Variants in MOCOS observed in about 807,000 individuals in gnomAD.
The protein encoded by MOCOS is molybdenum cofactor sulfurase.
Under a neutral mutation model 83.6 loss-of-function variants are expected in MOCOS, and 86 were observed. That is an observed-to-expected ratio of 1.03 (90% CI 0.86 to 1.23). The LOEUF (loss-of-function observed/expected upper bound fraction) is 1.23. Among genes scored for constraint, MOCOS ranks in the 50% most tolerant of loss-of-function variants. The probability of loss-of-function intolerance (pLI) is 0.00; values close to 1 mark genes in which losing one functional copy is unlikely to be tolerated. For missense variants in MOCOS, 1,120 were observed against 1,126.9 expected (o/e 0.99, Z 0.09); for synonymous variants, 445 against 434.7 (o/e 1.02, Z -0.29).
chr18:36,195,660 G>A (rs969245464), intron 2 of MOCOS, among the ~76,000 whole-genome samples: 3 of 152,170 alleles, frequency 2.0e-5, no homozygotes, highest in Non-Finnish European at 2.9e-5. Flanking sequence ...CAGAGAGTGG[G>A]GCAGCAGGAG....
intron 12 of MOCOS, among the ~76,000 whole-genome samples, chr18:36,258,407 G>A (rs992934552): frequency 6.6e-6 from 1 of 152,160 alleles, no homozygotes; most frequent in African/African-American, 2.4e-5. Flanking sequence ...ATAACCCAGA[G>A]AGTTGATCCA....
At position 36,271,924 on chromosome 18, in the gene MOCOS, A is replaced by G. The variant is rs889513171; in HGVS notation, c.*3239A>G. 2.0e-5 allele frequency: 3 copies of G among 152,136 alleles called. No individual in the cohort carries two copies. Among genetic ancestry groups the G allele is most frequent in the African/African-American group, 7.2e-5 (3 of 41,426 alleles). 9.4% of individuals were successfully genotyped at this position (152,136 alleles called of 1,614,324 possible). On this transcript the variant is annotated 3_prime_UTR_variant, in exon 15 of 15. Transcript: ENST00000261326. ...CAGTGAAAAGTTGCTTTTTTATTCA[A>G]TATGTACTGAACAGGTTCTAGAGTT... is the stretch of plus-strand genomic sequence containing the variant.
intron 4 of MOCOS, among the ~76,000 whole-genome samples, chr18:36,202,318 A>G (rs1308531125): frequency 1.3e-5 from 2 of 150,556 alleles, no homozygotes; most frequent in Non-Finnish European, 3.0e-5. Context: ...ATAACTGGCT[A>G]GTTTAACAAA....
intron 1 of MOCOS, among the ~76,000 whole-genome samples, chr18:36,192,890 C>A (rs2144893323): frequency 6.6e-6 from 1 of 152,232 alleles, no homozygotes; most frequent in Admixed American, 6.5e-5. Context: ...CTCAGATGAT[C>A]CACTCACCTC....
At chr18:36,190,419 CG>C (rs2091360439) in intron 1 of MOCOS, 1 of 152,020 alleles carries the variant, frequency 6.6e-6, no homozygotes, top group South Asian at 2.1e-4. Flanking sequence ...TTGCAGTTCT[CG>C]TGAGGGTGCG....
chr18:36,221,624 GTTCTGTTCTGTTCTGTTC>G (rs1477202544), intron 9 of MOCOS, among the ~76,000 whole-genome samples: 1 of 150,758 alleles, frequency 6.6e-6, no homozygotes, highest in Non-Finnish European at 1.5e-5. Flanking sequence ...GTTCTGTTCT[GTTCTGTTCTGTTCTGTTC>G]TGTTCTGTTC....
At chr18:36,207,799 T>C (rs1598874947) in intron 6 of MOCOS, among the ~76,000 whole-genome samples, 1 of 152,222 alleles carries the variant, frequency 6.6e-6, no homozygotes, top group East Asian at 1.9e-4. Flanking sequence ...TTAGTTTAGT[T>C]AGGCTTCATT....
At position 36,195,309 on chromosome 18, in the gene MOCOS, C is replaced by G. The variant is rs763082187; in HGVS notation, c.195C>G (p.Leu65=). 5 of 1,614,018 alleles carry G rather than the reference C, an allele frequency of 3.1e-6. No individual in the cohort carries two copies. Among genetic ancestry groups the G allele is most frequent in the Non-Finnish European group, 3.4e-6 (4 of 1,180,026 alleles). Residue 65 remains leucine, a synonymous_variant, in exon 2 of 15, where the codon CTC becomes CTG. Coordinates refer to ENST00000261326, the MANE Select transcript of MOCOS (RefSeq NM_017947.4). The part of the protein sequence containing the change: ...AGATLFSQSQ[L]ESFTSDLMEN... Reference sequence around the variant, plus strand: ...CCACCTTGTTCTCCCAGAGCCAGCTCGAAAGCTTCACTAGTGATCTCATGG... The same window carrying G: ...CCACCTTGTTCTCCCAGAGCCAGCTGGAAAGCTTCACTAGTGATCTCATGG...
At position 36,254,458 on chromosome 18, in the gene MOCOS, C is replaced by G. The variant is rs868021782; in HGVS notation, c.2165-2510C>G. ...GTATTCATTACAAAATACATTATCT[C>G]TGTGTGTGTGTGTGTGTGTGTGTGT... On this transcript the variant is annotated intron_variant, in intron 11 of 14. Coordinates refer to ENST00000261326, the MANE Select transcript of MOCOS (RefSeq NM_017947.4). Among the ~76,000 whole-genome samples the G allele has an allele frequency of 6.3e-3, 882 of 138,956 alleles. 8 individuals are homozygous for G. The highest frequency in any genetic ancestry group is 0.023 in the African/African-American group (856 of 36,898). 91.2% of individuals were successfully genotyped at this position (138,956 alleles called of 152,430 possible). A position where few individuals can be genotyped will look rare whatever the true frequency, so the allele number is the denominator to read the frequency against.
chr18:36,194,520 C>A (rs1264678277), intron 1 of MOCOS, among the ~76,000 whole-genome samples: 1 of 152,216 alleles, frequency 6.6e-6, no homozygotes, highest in Non-Finnish European at 1.5e-5. Flanking sequence ...ATATTCAGGT[C>A]ATTCCACAAA....
chr18:36,246,948 A>G (rs984330965), intron 9 of MOCOS, among the ~76,000 whole-genome samples: 4 of 151,986 alleles, frequency 2.6e-5, no homozygotes, highest in Non-Finnish European at 5.9e-5. Context: ...GTCTTTGGCT[A>G]TCAGGGCAAG....
chr18:36,227,663 G>A (rs2091522993), intron 9 of MOCOS, among the ~76,000 whole-genome samples: 2 of 152,182 alleles, frequency 1.3e-5, no homozygotes, highest in South Asian at 4.2e-4. Context: ...CCCAAAGTAT[G>A]GGGATTATAG....
intron 13 of MOCOS, among the ~76,000 whole-genome samples, chr18:36,265,114 A>T (rs1010199440): frequency 1.3e-5 from 2 of 152,194 alleles, no homozygotes; most frequent in African/African-American, 4.8e-5. Context: ...GCATCAGTTC[A>T]TTGGTGGAGA....
chr18:36,235,099 C>T lies in MOCOS; in HGVS notation c.1961-13823C>T, dbSNP rs527436584. On this transcript the variant is annotated intron_variant, in intron 9 of 14. Coordinates refer to ENST00000261326, the MANE Select transcript of MOCOS (RefSeq NM_017947.4). ...TTTTAACATTTCAAAACCAATCATG[C>T]CTTCTCAACAGTACCCCAAAATCAA... Among the ~76,000 whole-genome samples the T allele has an allele frequency of 1.4e-3, 210 of 152,006 alleles. 2 individuals are homozygous for T. The highest frequency in any genetic ancestry group is 2.6e-3 in the Non-Finnish European group (174 of 67,938).
intron 9 of MOCOS, among the ~76,000 whole-genome samples, chr18:36,231,391 TGTTCAA>T (rs2091537150): frequency 6.6e-6 from 1 of 152,214 alleles, no homozygotes; most frequent in African/African-American, 2.4e-5. Flanking sequence ...AAATTATTCT[TGTTCAA>T]GTTCAAGTAC....
rs751708274 is a variant in MOCOS, at chr18:36,215,911, G to A, written c.1731G>A (p.Gly577=). 10 of 1,613,698 alleles carry A rather than the reference G, an allele frequency of 6.2e-6. No individual in the cohort carries two copies. Among genetic ancestry groups the A allele is most frequent in the South Asian group, 1.1e-5 (1 of 91,078 alleles). ...AGAAAGCTGCAGGAGTCCTGGAGGG[G>A]GCCCTTGGGCCACATGTTGTCACTA... ...PSEKAAGVLE[G]ALGPHVVTNL... The change falls in exon 8 of 15, where the codon GGG becomes GGA. Residue 577 remains glycine, a synonymous_variant. Transcript: ENST00000261326.
At chr18:36,205,418 C>T (rs560072200) in intron 6 of MOCOS, 142 bp downstream of exon 6, 28 of 860,044 alleles carry the variant, frequency 3.3e-5, no homozygotes, top group Non-Finnish European at 4.2e-5. Context: ...CATTCACCCT[C>T]GTTTTTCAGT....
chr18:36,206,473 T>C (rs978204757), intron 6 of MOCOS, among the ~76,000 whole-genome samples: 1 of 151,972 alleles, frequency 6.6e-6, no homozygotes, highest in Non-Finnish European at 1.5e-5. Context: ...CTTGAACTCC[T>C]GACCTCAGGT....
intron 14 of MOCOS, among the ~76,000 whole-genome samples, chr18:36,267,665 A>G (rs1037384092): frequency 6.6e-5 from 10 of 152,216 alleles, no homozygotes; most frequent in African/African-American, 2.2e-4. Flanking sequence ...ATGTCTGTCA[A>G]TGCAGGCTGT....
Sources: allele counts gnomAD v4.1 joint callset (sites outside exome capture counted in the v4.1 genomes callset), GRCh38; gene constraint gnomAD v4.1.1; transcripts MANE v1.5; gene names NCBI Gene and HGNC (gene_info 2026-07-23, HGNC 2026-07-21).